CPAMD8: variants seen among roughly 807,000 people sequenced by gnomAD.
The protein encoded by CPAMD8 is C3 and PZP-like alpha-2-macroglobulin domain-containing protein 8.
Under a neutral mutation model 224.7 loss-of-function variants are expected in CPAMD8, and 146 were observed. That is an observed-to-expected ratio of 0.65 (90% CI 0.57 to 0.75). CPAMD8 has a LOEUF of 0.75. Ranked by LOEUF, CPAMD8 falls within the 30% of genes least tolerant of loss-of-function variation. CPAMD8 has a pLI of 0.00. For missense variants in CPAMD8, 2,301 were observed against 2,537.5 expected (o/e 0.91, Z 2.00); for synonymous variants, 966 against 1,044.6 (o/e 0.92, Z 1.45).
chr19:17,015,939 C>T (rs1443380452), intron 3 of CPAMD8, among the ~76,000 whole-genome samples: 1 of 152,132 alleles, frequency 6.6e-6, no homozygotes, highest in Non-Finnish European at 1.5e-5. Flanking sequence ...CAAGAAGGAC[C>T]TCCAGCCTTC....
intron 28 of CPAMD8, 40 bp from the exon 29 acceptor site, chr19:16,914,538 G>A: frequency 1.2e-6 from 2 of 1,610,864 alleles, no homozygotes; most frequent in Non-Finnish European, 1.7e-6. Context: ...AGCCAAAGGA[G>A]ACAGTCCACT....
intron 13 of CPAMD8, among the ~76,000 whole-genome samples, chr19:16,982,613 T>C (rs937989995): frequency 2.0e-5 from 3 of 151,952 alleles, no homozygotes; most frequent in African/African-American, 4.8e-5. Context: ...GGCAGGCAGA[T>C]TGCTTGAGTT....
chr19:16,986,355 C>T (rs1035620199), intron 13 of CPAMD8, among the ~76,000 whole-genome samples: 2 of 152,074 alleles, frequency 1.3e-5, no homozygotes, highest in African/African-American at 4.8e-5. Context: ...TGAGATTCAC[C>T]CGGGGAGCAA....
intron 41 of CPAMD8, 133 bp from the exon 42 acceptor site, chr19:16,893,472 A>C: frequency 1.6e-6 from 1 of 619,332 alleles, no homozygotes; most frequent in Admixed American, 3.0e-5. Context: ...GGGCAGCCTC[A>C]GACCTTGATC....
Position 16,896,160 on chromosome 19 carries a change from T to A in CPAMD8, c.5426+16A>T, listed in dbSNP as rs750325014. ...GAGCCTATGTCTCTTATCTCTGGGG[T>A]GGGCCCAGCTGTTACCTGTCCTCCG... On this transcript the variant is annotated intron_variant, in intron 41 of 41. Transcript: ENST00000443236. 4 of 1,612,962 alleles carry A rather than the reference T, an allele frequency of 2.5e-6. No homozygotes were observed. Among genetic ancestry groups the A allele is most frequent in the Non-Finnish European group, 3.4e-6 (4 of 1,179,736 alleles).
In CPAMD8 at chr19:16,952,079, TCAG is replaced by T. The variant is rs1242798264; in HGVS notation, c.2395_2397del (p.Leu799del). 1 of 1,565,806 alleles carries T rather than the reference TCAG, an allele frequency of 6.4e-7. No individual in the cohort carries two copies. Among genetic ancestry groups the T allele is most frequent in the East Asian group, 2.4e-5 (1 of 42,338 alleles). On this transcript the variant is annotated inframe_deletion, in exon 20 of 42. Transcript: ENST00000443236. ...TCCACGAAGAAGGGCTTGAAGGTCTTCAGCAGGGAGGGCTCGGCGATGCCTAAG... is the reference window on the plus strand; with the variant it reads ...TCCACGAAGAAGGGCTTGAAGGTCTTCAGGGAGGGCTCGGCGATGCCTAAG...
intron 24 of CPAMD8, 111 bp from the exon 25 acceptor site, chr19:16,928,345 C>T: frequency 2.5e-6 from 2 of 800,598 alleles, no homozygotes; most frequent in Non-Finnish European, 4.1e-6. Context: ...GCCATGCTCA[C>T]AGTGCAAGGA....
At position 16,893,274 on chromosome 19, in the gene CPAMD8, C is replaced by T; in HGVS notation, c.5492G>A (p.Ser1831Asn). 1 of 1,563,544 alleles carries T rather than the reference C, an allele frequency of 6.4e-7. No homozygotes were observed. Among genetic ancestry groups the T allele is most frequent in the Non-Finnish European group, 8.7e-7 (1 of 1,153,684 alleles). The change falls in exon 42 of 42, where the codon AGC (serine) becomes AAC (asparagine). Residue 1831 changes from serine to asparagine, a missense_variant. Transcript: ENST00000443236. ...GNLESSTQSA[S>N]PFHRWGQTPA... Reference sequence around the variant, plus strand: ...AGTCTGGCCCCATCTGTGGAACGGGCTGGCGCTCTGGGTGCTGCTTTCCAG... The same window carrying T: ...AGTCTGGCCCCATCTGTGGAACGGGTTGGCGCTCTGGGTGCTGCTTTCCAG...
rs772284182 is a variant in CPAMD8 at position 16,914,491 on chromosome 19, A to G, written c.3794T>C (p.Ile1265Thr). 2.5e-6 allele frequency: 4 copies of G among 1,614,002 alleles called. No individual in the cohort carries two copies. The Admixed American group carries it at 6.7e-5, about 27-fold the overall frequency. ...GGCTGTCAGCGGGACAGTGCCGTGGATCCCACCCTGCAAGGGGACTCACAG... is the reference window on the plus strand; with the variant it reads ...GGCTGTCAGCGGGACAGTGCCGTGGGTCCCACCCTGCAAGGGGACTCACAG... ...RVLNKDIQGGIHGTVPLTAYV... is the reference protein window; with the variant it reads ...RVLNKDIQGGTHGTVPLTAYV... Residue 1265 changes from isoleucine to threonine, a missense_variant, in exon 29 of 42, where the codon ATC (isoleucine) becomes ACC (threonine). Around this residue, in one of 4 missense-constraint regions of CPAMD8, gnomAD observed 1,709 missense variants for 1,753.2 expected, o/e 0.97. Coordinates refer to ENST00000443236, the MANE Select transcript of CPAMD8 (RefSeq NM_015692.5).
chr19:16,969,314 G>A (rs2054966035), intron 18 of CPAMD8, among the ~76,000 whole-genome samples: 1 of 152,168 alleles, frequency 6.6e-6, no homozygotes, highest in South Asian at 2.1e-4. Flanking sequence ...GGCAATGTCT[G>A]GAGATATTGT....
intron 9 of CPAMD8, among the ~76,000 whole-genome samples, chr19:17,001,449 T>C (rs1246867244): frequency 4.1e-5 from 1 of 24,346 alleles, no homozygotes; most frequent in Non-Finnish European, 8.3e-5. Flanking sequence ...GGGAACATGG[T>C]GGGGTTGGGA....
Position 17,022,184 on chromosome 19 carries a change from G to C in CPAMD8, c.93-3C>G. On this transcript the variant is annotated splice_region_variant and splice_polypyrimidine_tract_variant and intron_variant, in intron 1 of 41. Transcript: ENST00000443236. ...AGGGAGCTGCAATCAAGTAACCCCT[G>C]CAGGAAAGGAGATCCGAGGTGAAGT... 1 of 1,609,084 alleles carries C rather than the reference G, an allele frequency of 6.2e-7. No individual in the cohort carries two copies. Among genetic ancestry groups the C allele is most frequent in the Non-Finnish European group, 8.5e-7 (1 of 1,177,486 alleles).
rs1170010986 is a variant in CPAMD8, at chr19:16,904,543, G to A, written c.4037C>T (p.Thr1346Ile). The change falls in exon 31 of 42, where the codon ACC becomes ATC. Residue 1346 changes from threonine to isoleucine, a missense_variant. Physicochemically the swap from Thr to Ile is moderately conservative, Grantham distance 89. Transcript: ENST00000443236. ...RSLAIMRDGV[T>I]HWSLSNSWDV... ...CCAGGAATTTGACAGGCTCCAGTGG[G>A]TGACCCCATCTGCAAGGAAAGGAGT... 7 of 1,612,794 alleles carry A rather than the reference G, an allele frequency of 4.3e-6. No individual in the cohort carries two copies. The highest frequency in any genetic ancestry group is 4.0e-5 in the African/African-American group (3 of 74,886).
intron 2 of CPAMD8, 92 bp downstream of exon 2, chr19:17,021,938 C>T (rs2056968473): frequency 2.4e-6 from 3 of 1,267,768 alleles, no homozygotes; most frequent in Non-Finnish European, 3.2e-6. Flanking sequence ...GGAAGCAAAG[C>T]AACACCCACA....
intron 27 of CPAMD8, among the ~76,000 whole-genome samples, chr19:16,920,694 A>G (rs915496408): frequency 1.3e-5 from 2 of 151,812 alleles, no homozygotes; most frequent in Non-Finnish European, 2.9e-5. Context: ...CGTCCCTACT[A>G]AAAATACAAA....
In CPAMD8 at chr19:16,989,754, C is replaced by G; in HGVS notation, c.1284G>C (p.Leu428=). 5 of 1,614,030 alleles carry G rather than the reference C, an allele frequency of 3.1e-6. No homozygotes were observed. In the South Asian group the frequency reaches 4.4e-5, roughly 14 times the overall value. The part of the protein sequence containing the change: ...HVWLETKVMA[L]NGKPVGAQYL... ...ACTGAGCCCCCACAGGCTTCCCGTTCAGTGCCATCACCTTGGTCTGAGAAG... is the reference window on the plus strand; with the variant it reads ...ACTGAGCCCCCACAGGCTTCCCGTTGAGTGCCATCACCTTGGTCTGAGAAG... The change falls in exon 13 of 42, where the codon CTG becomes CTC. Residue 428 remains leucine (L), a synonymous_variant. Coordinates refer to ENST00000443236, the MANE Select transcript of CPAMD8 (RefSeq NM_015692.5).
chr19:16,903,676 C>T (rs763896569), intron 33 of CPAMD8, 26 bp downstream of exon 33: 2 of 1,614,052 alleles, frequency 1.2e-6, no homozygotes, highest in Non-Finnish European at 1.7e-6. Context: ...CAACAACCCC[C>T]AAACCCTCAT....
At position 16,892,977 on chromosome 19, in the gene CPAMD8, C is replaced by T. The variant is rs770318526; in HGVS notation, c.*131G>A. ...GTGAGTAAGATCAGTAACGTGTATT[C>T]TTGTCAATATCCTGGAGTGATCATT... On this transcript the variant is annotated 3_prime_UTR_variant, in exon 42 of 42. Coordinates refer to ENST00000443236, the MANE Select transcript of CPAMD8 (RefSeq NM_015692.5). The T allele has an allele frequency of 3.1e-5, 24 of 768,402 alleles. No individual in the cohort carries two copies. The highest frequency in any genetic ancestry group is 2.8e-4 in the South Asian group (21 of 73,716). The allele number at this position is 768,402 out of a possible 1,614,324, so 47.6% of individuals were successfully genotyped here.
chr19:16,904,601 C>T (rs765388265), intron 30 of CPAMD8, 49 bp from the exon 31 acceptor site: 2 of 1,301,228 alleles, frequency 1.5e-6, no homozygotes, highest in Non-Finnish European at 2.2e-6. Flanking sequence ...AGTGTGTAGC[C>T]TGGCATCCCA....
Sources: gnomAD v4.1 joint callset for allele counts (sites outside exome capture counted in the v4.1 genomes callset) on GRCh38, gnomAD v4.1.1 for gene constraint, gnomAD v4.1.1 regional missense constraint, MANE v1.5 for transcripts, NCBI Gene and HGNC (gene_info 2026-07-23, HGNC 2026-07-21) for gene names.